The following WDR27 variants were observed in gnomAD, a reference collection of about 807,000 sequenced individuals.
WDR27 encodes the protein WD repeat-containing protein 27.
WDR27 carries 100 observed loss-of-function variants against 114.4 expected under a neutral mutation model. The ratio of observed to expected loss-of-function variants is 0.87; its 90% CI spans 0.74 to 1.03. The LOEUF (loss-of-function observed/expected upper bound fraction) is 1.03. Among genes scored for constraint, WDR27 ranks in the 50% least tolerant of loss-of-function variants. The pLI, the probability that WDR27 is intolerant of heterozygous loss-of-function variation, is 0.00. For missense variants in WDR27, 1,129 were observed against 1,092.9 expected (o/e 1.03, Z -0.47); for synonymous variants, 449 against 423.1 (o/e 1.06, Z -0.75).
intron 25 of WDR27, among the ~76,000 whole-genome samples, chr6:169,467,911 C>T (rs111318045): frequency 0.013 from 1,990 of 152,330 alleles, 41 homozygotes; most frequent in African/African-American, 0.041. Context: ...ACGTAAGTTC[C>T]AATTCCAAAC....
At chr6:169,592,758 C>T (rs1467599222) in intron 23 of WDR27, among the ~76,000 whole-genome samples, 2 of 152,192 alleles carry the variant, frequency 1.3e-5, no homozygotes, top group Non-Finnish European at 2.9e-5. Flanking sequence ...CTGTTCCCAA[C>T]CACAGAATGC....
chr6:169,620,747 C>G (rs896560923), intron 21 of WDR27, among the ~76,000 whole-genome samples: 4 of 152,196 alleles, frequency 2.6e-5, no homozygotes, highest in African/African-American at 7.2e-5. Flanking sequence ...GTGAAATAAA[C>G]TTTCTAAACT....
At position 169,662,804 on chromosome 6, in the gene WDR27, C is replaced by T. The variant is rs576967295; in HGVS notation, c.905-380G>A. On this transcript the variant is annotated intron_variant, in intron 8 of 25. Coordinates refer to ENST00000448612, the MANE Select transcript of WDR27 (RefSeq NM_182552.5). Reference sequence around the variant, plus strand: ...TGACGCGCGTGCACCGCGGAGCATTCGGATCACGTGTCGAGGAAAGCACTA... The same window carrying T: ...TGACGCGCGTGCACCGCGGAGCATTTGGATCACGTGTCGAGGAAAGCACTA... Among the ~76,000 whole-genome samples the T allele has an allele frequency of 4.6e-3, 552 of 118,908 alleles. 32 individuals are homozygous for T. The highest frequency in any genetic ancestry group is 7.0e-3 in the Non-Finnish European group (417 of 59,668). 78.0% of individuals were successfully genotyped at this position (118,908 alleles called of 152,430 possible). A position where few individuals can be genotyped will look rare whatever the true frequency, so the allele number is the denominator to read the frequency against.
At chr6:169,569,444 T>C (rs546233616) in intron 25 of WDR27, among the ~76,000 whole-genome samples, 2 of 152,332 alleles carry the variant, frequency 1.3e-5, no homozygotes, top group African/African-American at 4.8e-5. Context: ...TTTAAAATTG[T>C]TAAGCTTCAT....
intron 25 of WDR27, among the ~76,000 whole-genome samples, chr6:169,460,524 G>A (rs1006392535): frequency 2.0e-5 from 3 of 152,014 alleles, no homozygotes; most frequent in Admixed American, 6.6e-5. Flanking sequence ...CAGAAAATAA[G>A]GGACAAAAAA....
chr6:169,665,361 C>A, intron 7 of WDR27, 125 bp downstream of exon 7: 3 of 1,444,912 alleles, frequency 2.1e-6, no homozygotes, highest in Non-Finnish European at 2.7e-6. Flanking sequence ...GTTCTCAGCA[C>A]TGAGGTGGAC....
At chr6:169,630,285 T>A (rs1562748765) in intron 21 of WDR27, among the ~76,000 whole-genome samples, 1 of 152,244 alleles carries the variant, frequency 6.6e-6, no homozygotes, top group Non-Finnish European at 1.5e-5. Flanking sequence ...ACCATTTTTT[T>A]CTCTAGATTT....
In WDR27 at chr6:169,518,416, T is replaced by C. The variant is rs529038227; in HGVS notation, c.2645+54003A>G. Among the ~76,000 whole-genome samples, 4 of 152,376 alleles carry C rather than the reference T, an allele frequency of 2.6e-5. No homozygotes were observed. In the South Asian group the frequency reaches 8.3e-4, roughly 32 times the overall value. On this transcript the variant is annotated intron_variant, in intron 25 of 25. Coordinates refer to ENST00000448612, the MANE Select transcript of WDR27 (RefSeq NM_182552.5). Reference sequence around the variant, plus strand: ...CCAAGCCTCCTTCACTCTTGCACTCTGCATTCCTACAGGCTTAATGCCACA... The same window carrying C: ...CCAAGCCTCCTTCACTCTTGCACTCCGCATTCCTACAGGCTTAATGCCACA...
At chr6:169,516,788 AACACACACACACACAC>A (rs3032851) in intron 25 of WDR27, among the ~76,000 whole-genome samples, 10 of 119,264 alleles carry the variant, frequency 8.4e-5, no homozygotes, top group African/African-American at 9.4e-5. Context: ...GGCATGCTCC[AACACACACACACACAC>A]ACACACACAC....
chr6:169,629,681 C>CT (rs1177246523), intron 21 of WDR27, among the ~76,000 whole-genome samples: 3 of 152,062 alleles, frequency 2.0e-5, no homozygotes, highest in Non-Finnish European at 4.4e-5. Context: ...AATCCCAGCA[C>CT]TTTGGGAGGC....
At chr6:169,685,678 A>G (rs1213251631) in intron 2 of WDR27, among the ~76,000 whole-genome samples, 1 of 151,980 alleles carries the variant, frequency 6.6e-6, no homozygotes, top group Non-Finnish European at 1.5e-5. Flanking sequence ...AGACAAAAAA[A>G]GAATAAAAAA....
chr6:169,680,353 C>A (rs1288017128), intron 2 of WDR27, among the ~76,000 whole-genome samples: 1 of 152,162 alleles, frequency 6.6e-6, no homozygotes, highest in Non-Finnish European at 1.5e-5. Context: ...GAGGCCGAGG[C>A]AGGTGTATCA....
At chr6:169,481,455 C>G (rs552048285) in intron 25 of WDR27, among the ~76,000 whole-genome samples, 1 of 152,226 alleles carries the variant, frequency 6.6e-6, no homozygotes, top group African/African-American at 2.4e-5. Flanking sequence ...GCTCGGGTTC[C>G]CTTCCACGCT....
At chr6:169,621,347 C>T (rs1037082438) in intron 21 of WDR27, among the ~76,000 whole-genome samples, 2 of 139,538 alleles carry the variant, frequency 1.4e-5, no homozygotes, top group Non-Finnish European at 3.1e-5. Context: ...CACACACATG[C>T]ATGTAGACAT....
intron 23 of WDR27, among the ~76,000 whole-genome samples, chr6:169,589,757 A>G (rs1344989477): frequency 1.3e-5 from 2 of 152,216 alleles, no homozygotes; most frequent in African/African-American, 4.8e-5. Context: ...TATGACACAG[A>G]GCGATGGTAA....
chr6:169,660,838 C>CT, intron 9 of WDR27, 72 bp from the exon 10 acceptor site: 1 of 1,110,490 alleles, frequency 9.0e-7, no homozygotes, highest in Non-Finnish European at 1.2e-6. Flanking sequence ...CGTGCGCCCC[C>CT]TGGCCTGGCT....
intron 25 of WDR27, among the ~76,000 whole-genome samples, chr6:169,474,421 T>C (rs921674158): frequency 2.0e-5 from 3 of 152,264 alleles, no homozygotes; most frequent in African/African-American, 7.2e-5. Context: ...AACTAAATTT[T>C]GTTTTATTAT....
chr6:169,512,666 A>G (rs532185650), intron 25 of WDR27, among the ~76,000 whole-genome samples: 1 of 151,860 alleles, frequency 6.6e-6, no homozygotes, highest in South Asian at 2.1e-4. Flanking sequence ...AAATGCTGCA[A>G]ATGTGAACAT....
chr6:169,498,042 T>C (rs572781955), intron 25 of WDR27, among the ~76,000 whole-genome samples: 1 of 152,070 alleles, frequency 6.6e-6, no homozygotes, highest in Non-Finnish European at 1.5e-5. Context: ...AAGCAAAACA[T>C]GGTATATCCA....
Sources: gnomAD v4.1 joint callset for allele counts (sites outside exome capture counted in the v4.1 genomes callset) on GRCh38, gnomAD v4.1.1 for gene constraint, MANE v1.5 for transcripts, NCBI Gene and HGNC (gene_info 2026-07-23, HGNC 2026-07-21) for gene names.